CCDC141: variants seen among roughly 807,000 people sequenced by gnomAD.
CCDC141 encodes the protein coiled-coil domain containing 141, also known as coiled-coil domain-containing protein 141.
CCDC141 carries 168 observed loss-of-function variants against 181.0 expected under a neutral mutation model. The ratio of observed to expected loss-of-function variants is 0.93; its 90% CI spans 0.82 to 1.05. CCDC141 has a LOEUF of 1.05. Among genes scored for constraint, CCDC141 ranks in the 50% least tolerant of loss-of-function variants. The pLI is 0.00. For missense variants in CCDC141, 1,902 were observed against 1,788.5 expected (o/e 1.06, Z -1.14); for synonymous variants, 666 against 642.3 (o/e 1.04, Z -0.56).
intron 2 of CCDC141, among the ~76,000 whole-genome samples, chr2:178,990,265 A>G (rs1019952641): frequency 6.6e-6 from 1 of 151,998 alleles, no homozygotes; most frequent in Non-Finnish European, 1.5e-5. Flanking sequence ...TAAAAAAAAA[A>G]ACATGTTGGC....
chr2:178,816,870 C>T, the CCDC141 span, among the ~76,000 whole-genome samples: 1 of 152,118 alleles, frequency 6.6e-6, no homozygotes, highest in Non-Finnish European at 1.5e-5. Context: ...GGTGGTAGAC[C>T]AGGCTCATTC....
chr2:178,818,472 C>G, the CCDC141 span, among the ~76,000 whole-genome samples: 2 of 152,100 alleles, frequency 1.3e-5, no homozygotes, highest in Admixed American at 1.3e-4. Flanking sequence ...AGTTCCCCTC[C>G]CTGTGTCCAT....
Position 178,837,121 on chromosome 2 carries a change from A to G in CCDC141, c.4098T>C (p.Ser1366=). The G allele has an allele frequency of 6.2e-7, 1 of 1,613,980 alleles. No individual in the cohort carries two copies. Among genetic ancestry groups the G allele is most frequent in the Non-Finnish European group, 8.5e-7 (1 of 1,179,962 alleles). ...TKTQDRLHAS[S]DAFSGLRFQS... ...GAAACCTGAGGCCCGAGAATGCATC[A>G]GAGGAAGCATGCAGCCTATCTTGGG... The change falls in exon 23 of 24, where the codon TCT becomes TCC. Residue 1366 remains serine, a synonymous_variant. Coordinates refer to ENST00000443758, the MANE Select transcript of CCDC141 (RefSeq NM_173648.4).
At chr2:178,932,510 A>G (rs1484663015) in intron 6 of CCDC141, among the ~76,000 whole-genome samples, 11 of 152,240 alleles carry the variant, frequency 7.2e-5, no homozygotes, top group Non-Finnish European at 1.5e-5. Context: ...TAGAAAACAC[A>G]TTTAAAATAT....
chr2:178,987,284 G>C (rs569345621), intron 2 of CCDC141, among the ~76,000 whole-genome samples: 1 of 151,950 alleles, frequency 6.6e-6, no homozygotes, highest in Non-Finnish European at 1.5e-5. Flanking sequence ...GCTGAACCTG[G>C]ATCCCTTCCT....
At position 178,869,210 on chromosome 2, in the gene CCDC141, G is replaced by A. The variant is rs1685996914; in HGVS notation, c.2301C>T (p.Asp767=). ...TCTGTTTTTGATGGAAGTGAATAAG[G>A]TCCTTCAGTTGTTGAGACTTTTCTT... is the stretch of plus-strand genomic sequence containing the variant. ...PVKEKSQQLK[D]LIHFHQKQKE... The change falls in exon 15 of 24, where the codon GAC becomes GAT. Residue 767 remains aspartate (D), a synonymous_variant. Coordinates refer to ENST00000443758, the MANE Select transcript of CCDC141 (RefSeq NM_173648.4). 1 of 1,613,490 alleles carries A rather than the reference G, an allele frequency of 6.2e-7. No homozygotes were observed. The highest frequency in any genetic ancestry group is 8.5e-7 in the Non-Finnish European group (1 of 1,179,662).
intron 2 of CCDC141, among the ~76,000 whole-genome samples, chr2:178,979,663 A>C (rs575787800): frequency 6.6e-6 from 1 of 152,318 alleles, no homozygotes; most frequent in Admixed American, 6.5e-5. Flanking sequence ...AGACAAGAGA[A>C]AGCAGGACTA....
rs1575293257 is a variant in CCDC141 at position 178,978,348 on chromosome 2, T to C, written c.417+136A>G. On this transcript the variant is annotated intron_variant, in intron 3 of 23. Coordinates refer to ENST00000443758, the MANE Select transcript of CCDC141 (RefSeq NM_173648.4). ...TTTTGACAATCAAAAATTAAATATA[T>C]TGTGTATGTATGTTTTGGTTATTCT... The C allele has an allele frequency of 5.8e-5, 27 of 465,822 alleles. No homozygotes were observed. The East Asian group carries it at 9.6e-4, about 17-fold the overall frequency. 28.9% of individuals were successfully genotyped at this position (465,822 alleles called of 1,614,324 possible).
chr2:178,900,883 T>C (rs74371437), intron 8 of CCDC141, among the ~76,000 whole-genome samples: 1 of 152,234 alleles, frequency 6.6e-6, no homozygotes, highest in East Asian at 1.9e-4. Context: ...CACTGAACAA[T>C]TAGTAGCACA....
chr2:178,837,372 A>G lies in CCDC141; in HGVS notation c.3847T>C (p.Phe1283Leu), dbSNP rs781177425. The G allele has an allele frequency of 1.9e-6, 3 of 1,614,100 alleles. No individual in the cohort carries two copies. Among genetic ancestry groups the G allele is most frequent in the Non-Finnish European group, 2.5e-6 (3 of 1,179,974 alleles). The change falls in exon 23 of 24, where the codon TTT (phenylalanine) becomes CTT (leucine). Residue 1283 changes from phenylalanine (F) to leucine (L), a missense_variant. Physicochemically the swap from Phe to Leu is conservative, Grantham distance 22. Coordinates refer to ENST00000443758, the MANE Select transcript of CCDC141 (RefSeq NM_173648.4). The part of the protein sequence containing the change: ...ADACNDKRET[F>L]SSHFERPYLQ... ...TAAGGCCTCTCAAAATGACTTGAAA[A>G]TGTTTCTCTCTTATCATTGCATGCA...
downstream of CCDC141, among the ~76,000 whole-genome samples, chr2:178,826,937 C>T (rs941979183): frequency 3.9e-5 from 6 of 151,912 alleles, no homozygotes; most frequent in Non-Finnish European, 7.4e-5. Context: ...CTCTAGTTTC[C>T]TAAGGTGACA....
intron 2 of CCDC141, among the ~76,000 whole-genome samples, chr2:179,039,663 G>A (rs1201412930): frequency 6.6e-6 from 1 of 152,070 alleles, no homozygotes; most frequent in African/African-American, 2.4e-5. Context: ...CAAATTGCAA[G>A]ACCCTGTACA....
intron 12 of CCDC141, 86 bp from the exon 13 acceptor site, chr2:178,872,398 T>G (rs1686159911): frequency 1.6e-6 from 2 of 1,236,046 alleles, no homozygotes; most frequent in East Asian, 2.5e-5. Flanking sequence ...CGAGGCAAAT[T>G]CTTTATCACA....
intron 2 of CCDC141, among the ~76,000 whole-genome samples, chr2:179,011,688 C>T (rs912554913): frequency 3.3e-5 from 5 of 152,064 alleles, no homozygotes; most frequent in African/African-American, 4.8e-5. Flanking sequence ...TTCAACAGCA[C>T]GTGGAACTTT....
At chr2:178,902,337 G>C (rs987687780) in intron 8 of CCDC141, among the ~76,000 whole-genome samples, 6 of 152,194 alleles carry the variant, frequency 3.9e-5, no homozygotes, top group Admixed American at 2.0e-4. Flanking sequence ...GAGGCATCAC[G>C]CTACCTAACT....
intron 12 of CCDC141, 77 bp from the exon 13 acceptor site, chr2:178,872,389 G>A (rs1484708405): frequency 4.5e-6 from 6 of 1,318,906 alleles, no homozygotes; most frequent in South Asian, 1.5e-5. Flanking sequence ...ACTATTTTAC[G>A]AGGCAAATTC....
chr2:178,975,265 A>G, intron 3 of CCDC141, 100 bp from the exon 4 acceptor site: 1 of 588,988 alleles, frequency 1.7e-6, no homozygotes, highest in Non-Finnish European at 3.0e-6. Flanking sequence ...TAGTAGCCCA[A>G]CTGAGGATGT....
chr2:178,881,913 T>TCTCA (rs753199903), intron 11 of CCDC141, among the ~76,000 whole-genome samples: 1 of 110,944 alleles, frequency 9.0e-6, no homozygotes, highest in African/African-American at 3.7e-5. Context: ...TCTCTCTCTC[T>TCTCA]CTCACACACA....
At chr2:178,855,862 T>C (rs1258645998) in intron 18 of CCDC141, among the ~76,000 whole-genome samples, 1 of 152,182 alleles carries the variant, frequency 6.6e-6, no homozygotes, top group African/African-American at 2.4e-5. Flanking sequence ...GGCATTCAAA[T>C]AATCCAGCCA....
Sources: allele counts gnomAD v4.1 joint callset (sites outside exome capture counted in the v4.1 genomes callset), GRCh38; gene constraint gnomAD v4.1.1; transcripts MANE v1.5; gene names NCBI Gene and HGNC (gene_info 2026-07-23, HGNC 2026-07-21).